DHRSX: variants seen among roughly 807,000 people sequenced by gnomAD.
DHRSX encodes dehydrogenase/reductase X-linked.
Under a neutral mutation model 34.0 loss-of-function variants are expected in DHRSX, and 31 were observed. The ratio of observed to expected loss-of-function variants is 0.91; its 90% CI spans 0.69 to 1.23. The LOEUF (loss-of-function observed/expected upper bound fraction) is 1.23. Ranked by LOEUF, DHRSX falls within the 50% of genes most tolerant of loss-of-function variation. DHRSX has a pLI of 0.00. For missense variants in DHRSX, 414 were observed against 428.1 expected (o/e 0.97, Z 0.29); for synonymous variants, 201 against 183.8 (o/e 1.09, Z -0.76).
intron 3 of DHRSX, among the ~76,000 whole-genome samples, chrX:2,391,332 G>A (rs375456738): frequency 4.6e-5 from 7 of 152,124 alleles, no homozygotes; most frequent in African/African-American, 1.7e-4. Flanking sequence ...TAAAAGTCAG[G>A]TTCCTTCAAG....
chrX:2,474,947 G>A, intron 1 of DHRSX, among the ~76,000 whole-genome samples: 1 of 151,436 alleles, frequency 6.6e-6, no homozygotes. Context: ...GCAGGGAAGG[G>A]ACAGCACTAA....
intron 3 of DHRSX, among the ~76,000 whole-genome samples, chrX:2,385,034 C>T (rs193036042): frequency 2.0e-5 from 3 of 151,656 alleles, no homozygotes; most frequent in Admixed American, 6.6e-5. Context: ...GCCTGGAAGG[C>T]GGAGGTTGTA....
At chrX:2,234,395 TGATCCATGCACACAGCCCA>T (rs1281339403) in intron 6 of DHRSX, among the ~76,000 whole-genome samples, 7 of 151,876 alleles carry the variant, frequency 4.6e-5, no homozygotes, top group East Asian at 1.9e-4. Flanking sequence ...CACACAGCCC[TGATCCATGCACACAGCCCA>T]GATCCATGCA....
At chrX:2,408,708 A>AC in intron 3 of DHRSX, 37 bp downstream of exon 3, 3 of 1,578,816 alleles carry the variant, frequency 1.9e-6, no homozygotes, top group Non-Finnish European at 1.7e-6. Flanking sequence ...AAGGAAAAAA[A>AC]AAAACAAAAA....
At chrX:2,361,153 C>G (rs2042929379) in intron 3 of DHRSX, among the ~76,000 whole-genome samples, 1 of 152,106 alleles carries the variant, frequency 6.6e-6, no homozygotes, top group South Asian at 2.1e-4. Flanking sequence ...ACTCTGTCGC[C>G]AGGCTGGAGT....
rs2044121917 is a variant in DHRSX, at chrX:2,445,665, T to G, written c.110-20361A>C. Among the ~76,000 whole-genome samples the G allele has an allele frequency of 2.0e-5, 3 of 151,914 alleles. 1 individual carries two copies. The highest frequency in any genetic ancestry group is 2.0e-4 in the Admixed American group (3 of 15,254). The stretch of plus-strand genomic sequence containing the variant: ...CAAGGGACCACCGCCATGTACACAC[T>G]GAAGATGTTCCCTAACAATGTGGCC... On this transcript the variant is annotated intron_variant, in intron 1 of 6. Coordinates refer to ENST00000334651, the MANE Select transcript of DHRSX (RefSeq NM_145177.3).
At chrX:2,331,448 T>TTG (rs1556477225) in intron 3 of DHRSX, among the ~76,000 whole-genome samples, 5 of 134,044 alleles carry the variant, frequency 3.7e-5, no homozygotes, top group African/African-American at 1.3e-4. Context: ...TTTTTTTTTT[T>TTG]TTTTTTTTTT....
chrX:2,437,543 G>T (rs2044006959), intron 1 of DHRSX, among the ~76,000 whole-genome samples: 1 of 151,880 alleles, frequency 6.6e-6, no homozygotes, highest in Non-Finnish European at 1.5e-5. Flanking sequence ...GAGCAAGGCT[G>T]CAGTGAGCCA....
At chrX:2,323,316 GA>G (rs1446409110) in intron 3 of DHRSX, among the ~76,000 whole-genome samples, 4 of 152,130 alleles carry the variant, frequency 2.6e-5, no homozygotes, top group Non-Finnish European at 1.5e-5. Flanking sequence ...AAATGCATTT[GA>G]AAACTCCTAC....
chrX:2,480,797 G>A (rs1219633011), intron 1 of DHRSX, among the ~76,000 whole-genome samples: 1 of 151,686 alleles, frequency 6.6e-6, no homozygotes, highest in Non-Finnish European at 1.5e-5. Flanking sequence ...CAGCCTGGGT[G>A]ATAGGGTGAG....
At chrX:2,225,278 ACATG>A (rs1402724948) in intron 6 of DHRSX, among the ~76,000 whole-genome samples, 2 of 148,046 alleles carry the variant, frequency 1.4e-5, no homozygotes, top group African/African-American at 4.9e-5. Context: ...CAGCTCACAC[ACATG>A]CACTTTCACA....
chrX:2,500,222 C>G (rs1039133351), intron 1 of DHRSX: 7 of 153,346 alleles, frequency 4.6e-5, no homozygotes, highest in Non-Finnish European at 7.3e-5. Context: ...GCCCTCCCCA[C>G]CAGACCTCCG....
At chrX:2,232,383 T>C in intron 6 of DHRSX, among the ~76,000 whole-genome samples, 1 of 151,984 alleles carries the variant, frequency 6.6e-6, no homozygotes, top group East Asian at 1.9e-4. Context: ...ATATAGAGCA[T>C]TCATATGGAA....
chrX:2,414,599 C>T (rs1054439661), intron 2 of DHRSX, among the ~76,000 whole-genome samples: 7 of 151,774 alleles, frequency 4.6e-5, no homozygotes, highest in African/African-American at 1.7e-4. Context: ...TGACATAATC[C>T]AACAAGATTT....
At chrX:2,270,572 T>C (rs2041537129) in intron 4 of DHRSX, among the ~76,000 whole-genome samples, 2 of 152,182 alleles carry the variant, frequency 1.3e-5, no homozygotes, top group Non-Finnish European at 2.9e-5. Flanking sequence ...CCCGCGGCTC[T>C]ACACGTCCCT....
intron 1 of DHRSX, among the ~76,000 whole-genome samples, chrX:2,469,064 G>A (rs1439310141): frequency 6.7e-6 from 1 of 150,012 alleles, no homozygotes; most frequent in Non-Finnish European, 1.5e-5. Context: ...TGTACACACT[G>A]AAGGCATTCC....
chrX:2,272,082 A>G (rs2041564226), intron 4 of DHRSX, among the ~76,000 whole-genome samples: 1 of 151,508 alleles, frequency 6.6e-6, no homozygotes, highest in African/African-American at 2.4e-5. Flanking sequence ...TTGCAGCACA[A>G]CTCACAACTG....
intron 1 of DHRSX, among the ~76,000 whole-genome samples, chrX:2,498,484 G>A (rs1376067454): frequency 3.3e-5 from 5 of 152,146 alleles, no homozygotes; most frequent in Non-Finnish European, 7.3e-5. Flanking sequence ...CTCGATGAGG[G>A]CAAGCCACTT....
chrX:2,314,693 A>T (rs2042221449), intron 3 of DHRSX, among the ~76,000 whole-genome samples: 1 of 152,004 alleles, frequency 6.6e-6, no homozygotes, highest in Admixed American at 6.6e-5. Flanking sequence ...GTTAAATAAA[A>T]CCCATCTAAT....
Sources: allele counts gnomAD v4.1 joint callset (sites outside exome capture counted in the v4.1 genomes callset), GRCh38; gene constraint gnomAD v4.1.1; transcripts MANE v1.5; gene names NCBI Gene and HGNC (gene_info 2026-07-23, HGNC 2026-07-21).